Variants in FHIT observed in about 807,000 individuals in gnomAD.
The protein encoded by FHIT is bis(5'-adenosyl)-triphosphatase.
Under a neutral mutation model 17.9 loss-of-function variants are expected in FHIT, and 19 were observed. The observed-to-expected ratio is 1.06, with a 90% CI of 0.74 to 1.56. The LOEUF is 1.56. Ranked by LOEUF, FHIT falls within the 40% of genes most tolerant of loss-of-function variation. The pLI, the probability that FHIT is intolerant of heterozygous loss-of-function variation, is 0.00. For synonymous variants in FHIT, 81 were observed against 69.7 expected, an observed-to-expected ratio of 1.16 and a Z score of -0.81; for missense variants, 248 against 189.2, an observed-to-expected ratio of 1.31 and a Z score of -1.82.
intron 8 of FHIT, among the ~76,000 whole-genome samples, chr3:59,884,492 G>A (rs1298172868): frequency 1.3e-5 from 2 of 152,110 alleles, no homozygotes; most frequent in Non-Finnish European, 2.9e-5. Context: ...CTTTTCTAGG[G>A]ACAACTTTAT....
At chr3:60,087,594 A>G (rs1484771541) in intron 5 of FHIT, among the ~76,000 whole-genome samples, 1 of 152,162 alleles carries the variant, frequency 6.6e-6, no homozygotes, top group Non-Finnish European at 1.5e-5. Flanking sequence ...TAGCATTTTC[A>G]TCCACCAGAT....
chr3:60,044,768 A>G (rs375828744), intron 5 of FHIT, among the ~76,000 whole-genome samples: 1 of 152,246 alleles, frequency 6.6e-6, no homozygotes, highest in African/African-American at 2.4e-5. Flanking sequence ...AAAACCAAAC[A>G]GAAGTGTCTA....
intron 2 of FHIT, among the ~76,000 whole-genome samples, chr3:61,097,078 C>CAAA (rs4020380): frequency 3.0e-5 from 3 of 99,736 alleles, no homozygotes; most frequent in African/African-American, 4.0e-5. Flanking sequence ...GACTCAATCT[C>CAAA]AAAAAAAAAA....
At chr3:59,796,628 A>AT (rs1235188735) in intron 8 of FHIT, among the ~76,000 whole-genome samples, 6 of 152,204 alleles carry the variant, frequency 3.9e-5, no homozygotes, top group African/African-American at 1.2e-4. Context: ...GTATGTGTCT[A>AT]TGAAGATGCT....
chr3:59,991,251 G>C (rs950159308), intron 7 of FHIT, among the ~76,000 whole-genome samples: 2 of 152,076 alleles, frequency 1.3e-5, no homozygotes, highest in East Asian at 3.9e-4. Context: ...CAGCCTTTGT[G>C]AATGTAAATT....
At chr3:59,896,438 A>G (rs1228339641) in intron 8 of FHIT, among the ~76,000 whole-genome samples, 1 of 152,204 alleles carries the variant, frequency 6.6e-6, no homozygotes, top group East Asian at 1.9e-4. Flanking sequence ...ACTGCGATCA[A>G]TTCAACATAA....
chr3:59,823,984 G>A (rs1433099064), intron 8 of FHIT, among the ~76,000 whole-genome samples: 3 of 152,202 alleles, frequency 2.0e-5, no homozygotes, highest in Admixed American at 2.0e-4. Flanking sequence ...GAACTGATAA[G>A]TGAATTCAAC....
chr3:60,227,150 G>C (rs776028123), intron 5 of FHIT, among the ~76,000 whole-genome samples: 25 of 151,900 alleles, frequency 1.6e-4, no homozygotes, highest in Non-Finnish European at 3.2e-4. Flanking sequence ...AAATGGGCTG[G>C]GGCAATGAGC....
At chr3:60,788,166 C>T (rs1375959229) in intron 4 of FHIT, among the ~76,000 whole-genome samples, 9 of 152,064 alleles carry the variant, frequency 5.9e-5, no homozygotes, top group Non-Finnish European at 8.8e-5. Flanking sequence ...GTAGCACGTG[C>T]CTGTAGTTCT....
intron 4 of FHIT, among the ~76,000 whole-genome samples, chr3:60,543,895 C>T (rs1411704383): frequency 6.8e-6 from 1 of 146,558 alleles, no homozygotes; most frequent in African/African-American, 2.5e-5. Flanking sequence ...CAAGCGCCCG[C>T]ACCACGCCCG....
At chr3:61,122,726 A>G (rs560332572) in intron 2 of FHIT, among the ~76,000 whole-genome samples, 1 of 152,374 alleles carries the variant, frequency 6.6e-6, no homozygotes, top group East Asian at 1.9e-4. Flanking sequence ...GAAGACATTT[A>G]TGTGGACAAC....
At chr3:60,153,864 T>C (rs1177112335) in intron 5 of FHIT, among the ~76,000 whole-genome samples, 1 of 152,158 alleles carries the variant, frequency 6.6e-6, no homozygotes, top group Non-Finnish European at 1.5e-5. Flanking sequence ...TCACTACACA[T>C]TCACATTGTG....
intron 5 of FHIT, among the ~76,000 whole-genome samples, chr3:60,349,222 T>G (rs555557540): frequency 1.3e-5 from 2 of 152,316 alleles, no homozygotes; most frequent in African/African-American, 2.4e-5. Context: ...AGTCTGAATT[T>G]TGAAGTGCTG....
chr3:60,417,279 A>G (rs1702286253), intron 5 of FHIT, among the ~76,000 whole-genome samples: 1 of 152,156 alleles, frequency 6.6e-6, no homozygotes, highest in Non-Finnish European at 1.5e-5. Flanking sequence ...TGAAAAAGCA[A>G]GTTGCAACTG....
Position 60,523,660 on chromosome 3 carries a change from G to A in FHIT, c.103+13200C>T, listed in dbSNP as rs577895723. 1.9e-3 allele frequency among the ~76,000 whole-genome samples: 285 copies of A among 152,252 alleles called. 1 individual carries two copies. Among genetic ancestry groups the A allele is most frequent in the African/African-American group, 6.3e-3 (262 of 41,534 alleles). ...AAGACAGTGGCATATACAATCTTGG[G>A]AAATCAAATCTCATGAGCCGACGAG... On this transcript the variant is annotated intron_variant, in intron 5 of 9. Transcript: ENST00000492590.
intron 4 of FHIT, among the ~76,000 whole-genome samples, chr3:60,772,784 C>T (rs1386437422): frequency 1.3e-5 from 2 of 152,106 alleles, no homozygotes; most frequent in Non-Finnish European, 2.9e-5. Flanking sequence ...TGTAGATTGG[C>T]CTTTTGAGAT....
At position 60,626,145 on chromosome 3, in the gene FHIT, C is replaced by T. The variant is rs573611685; in HGVS notation, c.-17-89166G>A. Among the ~76,000 whole-genome samples the T allele has an allele frequency of 7.2e-5, 11 of 152,102 alleles. No individual in the cohort carries two copies. The East Asian group carries it at 7.7e-4, about 11-fold the overall frequency. Reference sequence around the variant, plus strand: ...ATCACTGTAGAGTTGTCATGAGTTCCGAAACCAGGAAATCCTCCAAGTTCG... The same window carrying T: ...ATCACTGTAGAGTTGTCATGAGTTCTGAAACCAGGAAATCCTCCAAGTTCG... On this transcript the variant is annotated intron_variant, in intron 4 of 9. Transcript: ENST00000492590.
chr3:60,506,957 T>C (rs763860020), intron 5 of FHIT, among the ~76,000 whole-genome samples: 10 of 152,184 alleles, frequency 6.6e-5, no homozygotes, highest in Non-Finnish European at 1.3e-4. Flanking sequence ...TGATTTAGTG[T>C]GTGTAAAACA....
At chr3:61,158,548 A>AT (rs2037597746) in intron 2 of FHIT, among the ~76,000 whole-genome samples, 2 of 152,150 alleles carry the variant, frequency 1.3e-5, no homozygotes, top group African/African-American at 2.4e-5. Flanking sequence ...CCTACTTCAC[A>AT]TTACGAATAT....
Sources: allele counts gnomAD v4.1 joint callset (sites outside exome capture counted in the v4.1 genomes callset), GRCh38; gene constraint gnomAD v4.1.1; transcripts MANE v1.5; gene names NCBI Gene and HGNC (gene_info 2026-07-23, HGNC 2026-07-21).